FBXO32: variants seen among roughly 807,000 people sequenced by gnomAD.
The protein encoded by FBXO32 is F-box protein 32.
FBXO32 carries 15 observed loss-of-function variants against 48.3 expected under a neutral mutation model. The observed-to-expected ratio is 0.31, with a 90% CI of 0.21 to 0.48. The LOEUF is 0.48. FBXO32 is among the 20% of genes least tolerant of loss of function. The probability of loss-of-function intolerance (pLI) is 0.99; values close to 1 mark genes in which losing one functional copy is unlikely to be tolerated. For synonymous variants in FBXO32, 154 were observed against 165.9 expected, an observed-to-expected ratio of 0.93 and a Z score of 0.55; for missense variants, 309 against 432.7, an observed-to-expected ratio of 0.71 and a Z score of 2.54.
rs116176322 is a variant in FBXO32 at position 123,516,731 on chromosome 8, T to C, written c.373-2398A>G. ...CACCCCCAAACCAAACTCCTTTTTCTCCCTGGCTTCTGTATCTTTTCCACA... is the reference window on the plus strand; with the variant it reads ...CACCCCCAAACCAAACTCCTTTTTCCCCCTGGCTTCTGTATCTTTTCCACA... On this transcript the variant is annotated intron_variant, in intron 4 of 8. Transcript: ENST00000517956. Among the ~76,000 whole-genome samples the C allele has an allele frequency of 5.3e-3, 805 of 152,256 alleles. 4 individuals carry two copies. Among genetic ancestry groups the C allele is most frequent in the African/African-American group, 0.018 (763 of 41,558 alleles).
In FBXO32 at chr8:123,514,337, A is replaced by T; in HGVS notation, c.373-4T>A. On this transcript the variant is annotated splice_region_variant and splice_polypyrimidine_tract_variant and intron_variant, in intron 4 of 8. Transcript: ENST00000517956. ...ACTTTGCTATCAGCTCCAACAGCTG[A>T]GGATAAAAATAGAAGTTGCCAGGCT... 1 of 1,609,726 alleles carries T rather than the reference A, an allele frequency of 6.2e-7. No individual in the cohort carries two copies. The highest frequency in any genetic ancestry group is 8.5e-7 in the Non-Finnish European group (1 of 1,178,228).
At position 123,502,021 on chromosome 8, in the gene FBXO32, C is replaced by T. The variant is rs3739285; in HGVS notation, c.*1352G>A. On this transcript the variant is annotated 3_prime_UTR_variant, in exon 9 of 9. Coordinates refer to ENST00000517956, the MANE Select transcript of FBXO32 (RefSeq NM_058229.4). ...CACAGTTACCTGCTGATATTTGCCT[C>T]GTAAGATCCCCTTGGGATCTTCCTG... 1 of 151,946 alleles carries T rather than the reference C, an allele frequency of 6.6e-6. No individual in the cohort carries two copies. The highest frequency in any genetic ancestry group is 1.5e-5 in the Non-Finnish European group (1 of 67,974). The allele number at this position is 151,946 out of a possible 1,614,324, so 9.4% of individuals were successfully genotyped here.
intron 1 of FBXO32, among the ~76,000 whole-genome samples, chr8:123,535,826 G>GTTTTTTT (rs149011780): frequency 1.5e-5 from 2 of 133,446 alleles, no homozygotes; most frequent in Non-Finnish European, 1.6e-5. Flanking sequence ...ATAAATTAGG[G>GTTTTTTT]GTTTTTTTTT....
intron 4 of FBXO32, among the ~76,000 whole-genome samples, chr8:123,516,792 G>A (rs1215681699): frequency 6.6e-6 from 1 of 152,122 alleles, no homozygotes; most frequent in African/African-American, 2.4e-5. Context: ...CTGGGAGGAG[G>A]AGGTGGTTTG....
rs1817394915 is a variant in FBXO32 at position 123,540,774 on chromosome 8, C to T, written c.116+125G>A. On this transcript the variant is annotated intron_variant, in intron 1 of 8. Transcript: ENST00000517956. This position sits in a 1 kb window ranked among gnomAD's most constrained non-coding sequence, Gnocchi z 6.4. ...AATCGGGCCCCGTAGTCCCACCCTC[C>T]GGGTCAGGGTCTCCCTCCTCAGCCC... The T allele has an allele frequency of 5.4e-6, 4 of 744,802 alleles. No individual in the cohort carries two copies. The highest frequency in any genetic ancestry group is 8.9e-6 in the Non-Finnish European group (4 of 449,150). The allele number at this position is 744,802 out of a possible 1,614,324, so 46.1% of individuals were successfully genotyped here.
intron 1 of FBXO32, among the ~76,000 whole-genome samples, chr8:123,537,413 G>T (rs1817328773): frequency 6.6e-6 from 1 of 151,332 alleles, no homozygotes; most frequent in Non-Finnish European, 1.5e-5. Flanking sequence ...CACATACCAA[G>T]ATACTTTAAG....
intron 4 of FBXO32, among the ~76,000 whole-genome samples, chr8:123,524,548 T>G (rs1346160808): frequency 2.0e-5 from 3 of 152,178 alleles, no homozygotes; most frequent in Non-Finnish European, 2.9e-5. Flanking sequence ...CTTTTTATCT[T>G]TTTTTGAGAC....
At position 123,503,340 on chromosome 8, in the gene FBXO32, G is replaced by C. The variant is rs368782569; in HGVS notation, c.*33C>G. ...ATTCCCAGCTCTCCAGTCAGCAGGG[G>C]GACCCTTCTGAAGTGTTGTCATGTG... On this transcript the variant is annotated 3_prime_UTR_variant, in exon 9 of 9. Transcript: ENST00000517956. The C allele has an allele frequency of 8.3e-5, 128 of 1,545,484 alleles. No homozygotes were observed. Among genetic ancestry groups the C allele is most frequent in the Admixed American group, 2.2e-4 (13 of 59,778 alleles).
chr8:123,512,530 T>C (rs1042661847), intron 6 of FBXO32, among the ~76,000 whole-genome samples: 43 of 96,112 alleles, frequency 4.5e-4, no homozygotes, highest in Non-Finnish European at 7.1e-4. Context: ...TCTTCCTCCC[T>C]TTTTTTTTTT....
At chr8:123,523,458 C>T (rs895733063) in intron 4 of FBXO32, among the ~76,000 whole-genome samples, 14 of 152,126 alleles carry the variant, frequency 9.2e-5, no homozygotes, top group African/African-American at 1.2e-4. Context: ...GGCATGGTGG[C>T]GGGCACCTGT....
At position 123,531,990 on chromosome 8, in the gene FBXO32, G is replaced by A. The variant is rs1280182665; in HGVS notation, c.280C>T (p.Arg94Cys). The change falls in exon 4 of 9, where the codon CGC (arginine) becomes TGC (cysteine). Residue 94 changes from arginine to cysteine, a missense_variant and splice_region_variant. Arg to Cys is a radical substitution (Grantham distance 180). Coordinates refer to ENST00000517956, the MANE Select transcript of FBXO32 (RefSeq NM_058229.4). ...IYVHKGSTKE[R>C]HGYCTLGEAF... ...TCCCCCAGGGTGCAATATCCATGGCGCTGAACATGAAAACAAAGGCACAGA... is the reference window on the plus strand; with the variant it reads ...TCCCCCAGGGTGCAATATCCATGGCACTGAACATGAAAACAAAGGCACAGA... 3 of 1,613,764 alleles carry A rather than the reference G, an allele frequency of 1.9e-6. No homozygotes were observed. The highest frequency in any genetic ancestry group is 1.7e-5 in the Admixed American group (1 of 59,956).
chr8:123,516,256 C>T (rs1043302623), intron 4 of FBXO32, among the ~76,000 whole-genome samples: 1 of 152,156 alleles, frequency 6.6e-6, no homozygotes, highest in African/African-American at 2.4e-5. Context: ...TTCACGAGAA[C>T]CCACCAGGCC....
At chr8:123,511,667 A>T (rs1164910338) in intron 6 of FBXO32, among the ~76,000 whole-genome samples, 1 of 151,878 alleles carries the variant, frequency 6.6e-6, no homozygotes, top group Non-Finnish European at 1.5e-5. Context: ...GTAGAGATGG[A>T]GTTTCACAAT....
Position 123,514,286 on chromosome 8 carries a change from G to A in FBXO32, c.420C>T (p.Ile140=), listed in dbSNP as rs752337671. 54 of 1,613,214 alleles carry A rather than the reference G, an allele frequency of 3.3e-5. No homozygotes were observed. Among genetic ancestry groups the A allele is most frequent in the Non-Finnish European group, 1.4e-5 (17 of 1,179,746 alleles). ...AKSQLTSLSG[I]AQKNFMNILE... is the part of the protein sequence containing the mutation. ...AAATATTCATGAAGTTCTTTTGGGC[G>A]ATGCCACTCAGGGATGTGAGCTGTG... The change falls in exon 5 of 9, where the codon ATC becomes ATT. Residue 140 remains isoleucine (I), a synonymous_variant. Coordinates refer to ENST00000517956, the MANE Select transcript of FBXO32 (RefSeq NM_058229.4).
intron 4 of FBXO32, among the ~76,000 whole-genome samples, chr8:123,521,125 A>T (rs1400684165): frequency 6.6e-6 from 1 of 152,216 alleles, no homozygotes; most frequent in Non-Finnish European, 1.5e-5. Context: ...GCATTTATGC[A>T]TATCTGAATT....
intron 5 of FBXO32, 32 bp downstream of exon 5, chr8:123,514,208 A>G: frequency 6.4e-7 from 1 of 1,563,108 alleles, no homozygotes; most frequent in East Asian, 2.3e-5. Flanking sequence ...CCATGCCTAT[A>G]AAAAGGGGCG....
intron 1 of FBXO32, 125 bp from the exon 2 acceptor site, chr8:123,534,939 C>A (rs114022014): frequency 1.8e-5 from 10 of 540,950 alleles, no homozygotes; most frequent in Non-Finnish European, 2.9e-5. Flanking sequence ...CAAAATAAAA[C>A]AATAAAATGA....
At chr8:123,504,826 GT>G in intron 7 of FBXO32, 79 bp from the exon 8 acceptor site, 1 of 1,413,156 alleles carries the variant, frequency 7.1e-7, no homozygotes, top group Non-Finnish European at 9.8e-7. Context: ...TTCTGAAAAG[GT>G]TTACTCTCAC....
rs1421830143 is a variant in FBXO32 at position 123,500,737 on chromosome 8, CT to C, written c.*2635del. ...ACATGCCATTTCTATTCCTTTCCCC[CT>C]CCCTCTCTACCTGCCATTTCTTTCC... On this transcript the variant is annotated 3_prime_UTR_variant, in exon 9 of 9. Transcript: ENST00000517956. 1 of 152,210 alleles carries C rather than the reference CT, an allele frequency of 6.6e-6. No individual in the cohort carries two copies. Among genetic ancestry groups the C allele is most frequent in the Non-Finnish European group, 1.5e-5 (1 of 68,050 alleles). The allele number at this position is 152,210 out of a possible 1,614,324, so 9.4% of individuals were successfully genotyped here. A position where few individuals can be genotyped will look rare whatever the true frequency, so the allele number is the denominator to read the frequency against.
Sources: gnomAD v4.1 joint callset for allele counts (sites outside exome capture counted in the v4.1 genomes callset) on GRCh38, gnomAD v4.1.1 for gene constraint, Gnocchi (gnomAD v3.1) non-coding constraint, MANE v1.5 for transcripts, NCBI Gene and HGNC (gene_info 2026-07-23, HGNC 2026-07-21) for gene names.